Variants in RNF2 observed in about 807,000 individuals in gnomAD.
The protein encoded by RNF2 is ring finger protein 2, also known as E3 ubiquitin-protein ligase RING2.
In RNF2, 6 loss-of-function variants were observed where a neutral mutation model predicts 37.2. That is an observed-to-expected ratio of 0.16 (90% CI 0.09 to 0.32). The LOEUF (loss-of-function observed/expected upper bound fraction) is 0.32. Among genes scored for constraint, RNF2 ranks in the 10% least tolerant of loss-of-function variants. The probability of loss-of-function intolerance (pLI) is 1.00; values close to 1 mark genes in which losing one functional copy is unlikely to be tolerated. For synonymous variants in RNF2, 133 were observed against 132.7 expected, an observed-to-expected ratio of 1.00 and a Z score of -0.02; for missense variants, 251 against 404.0, an observed-to-expected ratio of 0.62 and a Z score of 3.25.
intron 1 of RNF2, among the ~76,000 whole-genome samples, chr1:185,075,971 A>G (rs577760199): frequency 6.6e-6 from 1 of 152,240 alleles, no homozygotes; most frequent in South Asian, 2.1e-4. Flanking sequence ...AGCACAGTTT[A>G]ATTTTATTGG....
At chr1:185,066,880 A>T (rs1259634761) in intron 1 of RNF2, among the ~76,000 whole-genome samples, 3 of 152,186 alleles carry the variant, frequency 2.0e-5, no homozygotes, top group African/African-American at 7.2e-5. Context: ...TTGATGGCTG[A>T]TGGGAGAAAT....
At chr1:185,097,613 G>A (rs902790547) in intron 4 of RNF2, among the ~76,000 whole-genome samples, 20 of 152,138 alleles carry the variant, frequency 1.3e-4, no homozygotes, top group African/African-American at 3.9e-4. Context: ...AGTTTACTGC[G>A]CCCTTCAACT....
chr1:185,088,871 G>A (rs1332826840), intron 2 of RNF2, among the ~76,000 whole-genome samples: 1 of 152,068 alleles, frequency 6.6e-6, no homozygotes, highest in African/African-American at 2.4e-5. Context: ...ATTTAGAGAT[G>A]ATTTAAAGCA....
At chr1:185,064,756 A>C (rs1650750464) in intron 1 of RNF2, among the ~76,000 whole-genome samples, 1 of 152,170 alleles carries the variant, frequency 6.6e-6, no homozygotes, top group African/African-American at 2.4e-5. Context: ...AATACCTTTC[A>C]GAATGTTTTG....
chr1:185,072,680 C>G (rs182357005), intron 1 of RNF2, among the ~76,000 whole-genome samples: 2 of 152,262 alleles, frequency 1.3e-5, no homozygotes, highest in Admixed American at 6.5e-5. Context: ...ACAGCTCATG[C>G]CTGTAATCCC....
chr1:185,048,890 T>A (rs1389592524), intron 1 of RNF2, among the ~76,000 whole-genome samples: 1 of 152,010 alleles, frequency 6.6e-6, no homozygotes, highest in Non-Finnish European at 1.5e-5. Context: ...CTGCGTGAAG[T>A]AGTTAGCTTG....
At chr1:185,083,062 C>T (rs1267102978) in intron 1 of RNF2, among the ~76,000 whole-genome samples, 1 of 152,200 alleles carries the variant, frequency 6.6e-6, no homozygotes, top group Non-Finnish European at 1.5e-5. Flanking sequence ...GAGTCATCTT[C>T]AAAGCAGCAT....
At chr1:185,051,850 TTATA>T (rs1286050939) in intron 1 of RNF2, among the ~76,000 whole-genome samples, 1 of 149,332 alleles carries the variant, frequency 6.7e-6, no homozygotes, top group Non-Finnish European at 1.5e-5. Context: ...TATATACATA[TTATA>T]TATACATGCA....
At chr1:185,063,166 TG>T (rs1650663359) in intron 1 of RNF2, among the ~76,000 whole-genome samples, 1 of 152,204 alleles carries the variant, frequency 6.6e-6, no homozygotes, top group Non-Finnish European at 1.5e-5. Context: ...TGTCTTTATT[TG>T]GGGAAGTACC....
chr1:185,046,751 C>CGAG (rs1274314446), intron 1 of RNF2, among the ~76,000 whole-genome samples: 10 of 152,134 alleles, frequency 6.6e-5, no homozygotes, highest in African/African-American at 1.9e-4. Context: ...TGTTCTAAAC[C>CGAG]GAGGATATGT....
chr1:185,061,919 A>G (rs978866151), intron 1 of RNF2, among the ~76,000 whole-genome samples: 1 of 152,224 alleles, frequency 6.6e-6, no homozygotes, highest in Non-Finnish European at 1.5e-5. Context: ...ACCCTCAGCT[A>G]TAAGTGACCA....
intron 1 of RNF2, among the ~76,000 whole-genome samples, chr1:185,072,244 A>AG (rs935467668): frequency 1.3e-5 from 2 of 152,006 alleles, no homozygotes; most frequent in Admixed American, 6.6e-5. Flanking sequence ...TCTCATGTTG[A>AG]GGGGTTTTTG....
intron 1 of RNF2, among the ~76,000 whole-genome samples, chr1:185,061,404 G>A (rs1050022171): frequency 5.3e-5 from 8 of 151,866 alleles, no homozygotes; most frequent in Non-Finnish European, 1.2e-4. Flanking sequence ...GAAAGCTTCT[G>A]ATCTCAGGCA....
Position 185,098,140 on chromosome 1 carries a change from A to G in RNF2, c.533A>G (p.His178Arg), listed in dbSNP as rs753192062. 1 of 1,614,228 alleles carries G rather than the reference A, an allele frequency of 6.2e-7. No individual in the cohort carries two copies. Among genetic ancestry groups the G allele is most frequent in the Non-Finnish European group, 8.5e-7 (1 of 1,180,020 alleles). ...GCAGAAGATAATGGTGACAGTTCAC[A>G]CTGCAGTAATGCATCCACACATAGC... ...SGAEDNGDSS[H>R]CSNASTHSNQ... is the part of the protein sequence containing the mutation. Residue 178 changes from histidine (H) to arginine (R), a missense_variant, in exon 5 of 7, where the codon CAC becomes CGC. Physicochemically the swap from His to Arg is conservative, Grantham distance 29. Around this residue, in one of 7 missense-constraint regions of RNF2, gnomAD observed 94 missense variants for 99.2 expected, o/e 0.95. Transcript: ENST00000367510.
At chr1:185,075,420 T>A (rs1262853453) in intron 1 of RNF2, among the ~76,000 whole-genome samples, 1 of 152,236 alleles carries the variant, frequency 6.6e-6, no homozygotes, top group Non-Finnish European at 1.5e-5. Flanking sequence ...CAAATTGTTC[T>A]GTTCCCCAGA....
Position 185,087,469 on chromosome 1 carries a change from A to C in RNF2, c.-2-83A>C, listed in dbSNP as rs947567516. ...CATTGAGATTAGATTTCAACGTAGG[A>C]ATTTTGGTGGGACACATACATTCAG... On this transcript the variant is annotated intron_variant, in intron 1 of 6. Coordinates refer to ENST00000367510, the MANE Select transcript of RNF2 (RefSeq NM_007212.4). The C allele has an allele frequency of 6.2e-6, 7 of 1,137,942 alleles. No individual in the cohort carries two copies. In the African/African-American group the frequency reaches 9.2e-5, roughly 15 times the overall value. The allele number at this position is 1,137,942 out of a possible 1,614,324, so 70.5% of individuals were successfully genotyped here.
At chr1:185,092,639 C>T (rs1055822578) in intron 3 of RNF2, among the ~76,000 whole-genome samples, 1 of 151,824 alleles carries the variant, frequency 6.6e-6, no homozygotes, top group Non-Finnish European at 1.5e-5. Context: ...CACGATTTTT[C>T]CACTTAAGTA....
At chr1:185,093,303 G>A (rs371461250) in intron 4 of RNF2, 27 bp downstream of exon 4, 17 of 1,596,180 alleles carry the variant, frequency 1.1e-5, no homozygotes, top group Non-Finnish European at 1.5e-5. Flanking sequence ...GTCAGAGAGG[G>A]TAGCTGTTTT....
At chr1:185,051,568 C>G (rs962156995) in intron 1 of RNF2, among the ~76,000 whole-genome samples, 2 of 152,078 alleles carry the variant, frequency 1.3e-5, no homozygotes, top group African/African-American at 4.8e-5. Context: ...TGGTCCCTGG[C>G]TTGGATCCTG....
Sources: gnomAD v4.1 joint callset for allele counts (sites outside exome capture counted in the v4.1 genomes callset) on GRCh38, gnomAD v4.1.1 for gene constraint, gnomAD v4.1.1 regional missense constraint, MANE v1.5 for transcripts, NCBI Gene and HGNC (gene_info 2026-07-23, HGNC 2026-07-21) for gene names.